Variants in CCDC127 observed in about 807,000 individuals in gnomAD.
CCDC127 encodes the protein coiled-coil domain-containing protein 127.
Under a neutral mutation model 4.1 loss-of-function variants are expected in CCDC127, and 2 were observed. The ratio of observed to expected loss-of-function variants is 0.49; its 90% CI spans 0.20 to 1.53. CCDC127 has a LOEUF of 1.53. CCDC127 is among the 40% of genes most tolerant of loss of function. The probability of loss-of-function intolerance (pLI) is 0.23; values close to 1 mark genes in which losing one functional copy is unlikely to be tolerated. For synonymous variants in CCDC127, 98 were observed against 120.4 expected (o/e 0.81, Z 1.22); for missense variants, 271 against 322.9 (o/e 0.84, Z 1.23).
At chr5:217,525 G>A (rs28416084) in intron 1 of CCDC127, among the ~76,000 whole-genome samples, 19,446 of 148,436 alleles carry the variant, frequency 0.13, 1,323 homozygotes, top group Admixed American at 0.17. Context: ...GGCTCACACC[G>A]GACACTTTCA....
At position 204,677 on chromosome 5, in the gene CCDC127, A is replaced by G. The variant is rs894982901; in HGVS notation, c.*620T>C. The G allele has an allele frequency of 2.6e-5, 4 of 152,306 alleles. No individual in the cohort carries two copies. Among genetic ancestry groups the G allele is most frequent in the African/African-American group, 9.6e-5 (4 of 41,462 alleles). 9.4% of individuals were successfully genotyped at this position (152,306 alleles called of 1,614,324 possible). A position where few individuals can be genotyped will look rare whatever the true frequency, so the allele number is the denominator to read the frequency against. ...CAACTGCATACAACACACACACATT[A>G]GGTAACAACTGCATACAACAAACAC... On this transcript the variant is annotated 3_prime_UTR_variant, in exon 3 of 3. Coordinates refer to ENST00000296824, the MANE Select transcript of CCDC127 (RefSeq NM_145265.3).
At chr5:210,438 T>A (rs928386157) in intron 2 of CCDC127, among the ~76,000 whole-genome samples, 21 of 142,976 alleles carry the variant, frequency 1.5e-4, no homozygotes, top group African/African-American at 6.1e-4. Flanking sequence ...CTCTCAAAAC[T>A]CAACATTAAA....
At chr5:206,286 G>A (rs185849148) in intron 2 of CCDC127, among the ~76,000 whole-genome samples, 9 of 150,290 alleles carry the variant, frequency 6.0e-5, no homozygotes, top group Non-Finnish European at 1.2e-4. Flanking sequence ...TTCAACTACC[G>A]TTGGCCAGGT....
intron 2 of CCDC127, among the ~76,000 whole-genome samples, chr5:209,805 G>A (rs940406603): frequency 8.5e-5 from 13 of 152,194 alleles, no homozygotes; most frequent in African/African-American, 1.4e-4. Context: ...GACAAAAGAC[G>A]GGTTCAATAT....
Position 198,028 on chromosome 5 carries a change from T to A in CCDC127, c.*7269A>T, listed in dbSNP as rs1734001207. The A allele has an allele frequency of 6.6e-6, 1 of 152,444 alleles. No individual in the cohort carries two copies. Among genetic ancestry groups the A allele is most frequent in the South Asian group, 2.1e-4 (1 of 4,820 alleles). 9.4% of individuals were successfully genotyped at this position (152,444 alleles called of 1,614,324 possible). A position where few individuals can be genotyped will look rare whatever the true frequency, so the allele number is the denominator to read the frequency against. ...GGTTTGTCTCCATCCCCTTTCTCCT[T>A]CTGCCCCTGGTGTGTCCAGGCCCTT... is the stretch of plus-strand genomic sequence containing the variant. On this transcript the variant is annotated 3_prime_UTR_variant, in exon 3 of 3. Transcript: ENST00000296824.
rs991366395 is a variant in CCDC127 at position 205,227 on chromosome 5, G to A, written c.*70C>T. The A allele has an allele frequency of 9.9e-6, 14 of 1,418,098 alleles. No homozygotes were observed. The highest frequency in any genetic ancestry group is 2.9e-5 in the African/African-American group (2 of 69,922). 87.8% of individuals were successfully genotyped at this position (1,418,098 alleles called of 1,614,324 possible). On this transcript the variant is annotated 3_prime_UTR_variant, in exon 3 of 3. Transcript: ENST00000296824. ...CACGGGCAGCACGGGAACGGAAGAC[G>A]CCGGAGACCCAGAAGGCGCATGACT...
At chr5:208,070 C>T (rs544456580) in intron 2 of CCDC127, among the ~76,000 whole-genome samples, 2 of 152,258 alleles carry the variant, frequency 1.3e-5, no homozygotes, top group African/African-American at 4.8e-5. Context: ...ACCTGAATTC[C>T]GAGTCTGACC....
chr5:208,397 C>T (rs1734218245), intron 2 of CCDC127, among the ~76,000 whole-genome samples: 1 of 152,240 alleles, frequency 6.6e-6, no homozygotes, highest in Non-Finnish European at 1.5e-5. Flanking sequence ...CCAACAAAGC[C>T]TGCTGTCTCT....
chr5:209,090 CCCCACAAACACA>C (rs1734235553), intron 2 of CCDC127, among the ~76,000 whole-genome samples: 1 of 152,134 alleles, frequency 6.6e-6, no homozygotes, highest in African/African-American at 2.4e-5. Context: ...ATCAGGACTC[CCCCACAAACACA>C]GAAACAACCC....
intron 1 of CCDC127, chr5:217,282 T>G (rs1734427695): frequency 1.2e-5 from 2 of 167,240 alleles, no homozygotes; most frequent in African/African-American, 4.8e-5. Context: ...TACAAATATG[T>G]TTAAATGTAT....
chr5:204,995 A>C lies in CCDC127; in HGVS notation c.*302T>G. ...CAGTATTGTATTTGACTTTTTAAAA[A>C]ACCATTTTTACCCTGGAGCTAAAAT... On this transcript the variant is annotated 3_prime_UTR_variant, in exon 3 of 3. Transcript: ENST00000296824. The C allele has an allele frequency of 3.9e-6, 1 of 253,400 alleles. No individual in the cohort carries two copies. Among genetic ancestry groups the C allele is most frequent in the South Asian group, 1.5e-4 (1 of 6,588 alleles). The allele number at this position is 253,400 out of a possible 1,614,324, so 15.7% of individuals were successfully genotyped here.
intron 2 of CCDC127, among the ~76,000 whole-genome samples, chr5:208,880 G>A (rs1424884561): frequency 6.6e-6 from 1 of 152,228 alleles, no homozygotes; most frequent in Non-Finnish European, 1.5e-5. Flanking sequence ...CAAGGGCCAG[G>A]ACGGGTCACA....
Position 198,679 on chromosome 5 carries a change from C to G in CCDC127, c.*6618G>C, listed in dbSNP as rs1487394420. On this transcript the variant is annotated 3_prime_UTR_variant, in exon 3 of 3. Coordinates refer to ENST00000296824, the MANE Select transcript of CCDC127 (RefSeq NM_145265.3). ...GTCCTGTGCAGGTCTCGCACTTGCT[C>G]CTACTGAACTGATCGGCCCCATCCT... 6.6e-6 allele frequency: 1 copy of G among 152,330 alleles called. No individual in the cohort carries two copies. The highest frequency in any genetic ancestry group is 6.5e-5 in the Admixed American group (1 of 15,294). 9.4% of individuals were successfully genotyped at this position (152,330 alleles called of 1,614,324 possible).
In CCDC127 at chr5:218,083, C is replaced by G. The variant is rs1387766721; in HGVS notation, c.-11+10G>C. 2.5e-6 allele frequency: 3 copies of G among 1,179,060 alleles called. No individual in the cohort carries two copies. Among genetic ancestry groups the G allele is most frequent in the Non-Finnish European group, 3.2e-6 (3 of 952,268 alleles). The allele number at this position is 1,179,060 out of a possible 1,614,324, so 73.0% of individuals were successfully genotyped here. A position where few individuals can be genotyped will look rare whatever the true frequency, so the allele number is the denominator to read the frequency against. ...TGCCCACCACCTCCCCGGAACAGGG[C>G]CCGCTCTACCTCGGTCGGGGAGCGC... On this transcript the variant is annotated intron_variant, in intron 1 of 2. Transcript: ENST00000296824.
At chr5:208,754 C>T (rs1734225940) in intron 2 of CCDC127, among the ~76,000 whole-genome samples, 1 of 152,242 alleles carries the variant, frequency 6.6e-6, no homozygotes, top group Non-Finnish European at 1.5e-5. Context: ...TGGCCCTTCC[C>T]CTGCCAGGGC....
rs1191937875 is a variant in CCDC127, at chr5:204,514, G to A, written c.*783C>T. ...AAGAGTGAAGAATTACACAAAAAGT[G>A]GCATTATTACTCATAAATGGCAAGT... On this transcript the variant is annotated 3_prime_UTR_variant, in exon 3 of 3. Coordinates refer to ENST00000296824, the MANE Select transcript of CCDC127 (RefSeq NM_145265.3). 1 of 147,116 alleles carries A rather than the reference G, an allele frequency of 6.8e-6. No individual in the cohort carries two copies. The highest frequency in any genetic ancestry group is 1.5e-5 in the Non-Finnish European group (1 of 68,036). 9.1% of individuals were successfully genotyped at this position (147,116 alleles called of 1,614,324 possible).
chr5:217,404 T>C (rs1161159782), intron 1 of CCDC127: 1 of 154,062 alleles, frequency 6.5e-6, no homozygotes, highest in Non-Finnish European at 1.4e-5. Flanking sequence ...TTGGATGAGA[T>C]TAGCAATTGA....
chr5:207,758 T>C (rs1734207124), intron 2 of CCDC127, among the ~76,000 whole-genome samples: 1 of 152,022 alleles, frequency 6.6e-6, no homozygotes, highest in Non-Finnish European at 1.5e-5. Context: ...TTAACGTGAC[T>C]TAAGAGCATC....
intron 2 of CCDC127, chr5:213,988 T>C (rs568472241): frequency 4.3e-4 from 65 of 152,324 alleles, no homozygotes; most frequent in African/African-American, 1.6e-3. Flanking sequence ...GTCCATGTCA[T>C]AAAACACGAC....
Sources: allele counts gnomAD v4.1 joint callset (sites outside exome capture counted in the v4.1 genomes callset), GRCh38; gene constraint gnomAD v4.1.1; transcripts MANE v1.5; gene names NCBI Gene and HGNC (gene_info 2026-07-23, HGNC 2026-07-21).